The following IRGM variants were observed in gnomAD, a reference collection of about 807,000 sequenced individuals.
IRGM encodes the protein immunity-related GTPase family M protein.
For missense variants in IRGM, 288 were observed against 219.9 expected (o/e 1.31, Z -1.96); for synonymous variants, 98 against 80.6 (o/e 1.22, Z -1.16).
At chr5:150,871,672 T>C (rs938530823) in intron 1 of IRGM, among the ~76,000 whole-genome samples, 2 of 152,248 alleles carry the variant, frequency 1.3e-5, no homozygotes, top group Admixed American at 6.5e-5. Flanking sequence ...TTTAAACTGC[T>C]TGCTTTTGTA....
At chr5:150,902,084 A>G (rs990440987), downstream of IRGM, among the ~76,000 whole-genome samples, 1 of 152,214 alleles carries the variant, frequency 6.6e-6, no homozygotes, top group African/African-American at 2.4e-5. Flanking sequence ...AACACTGATT[A>G]TCCTGGGAGA....
At position 150,846,949 on chromosome 5, in the gene IRGM, A is replaced by C. The variant is rs1328486113; in HGVS notation, c.-687A>C. On this transcript the variant is annotated 5_prime_UTR_variant, in exon 1 of 2. Coordinates refer to ENST00000522154, the MANE Select transcript of IRGM (RefSeq NM_001145805.2). The stretch of plus-strand genomic sequence containing the variant: ...CCAATTCCGGTAGGAGTAGGAAATC[A>C]CATCACCTTCTTTTAATCAGTCTCA... The C allele has an allele frequency of 1.3e-5, 2 of 152,822 alleles. No homozygotes were observed. The highest frequency in any genetic ancestry group is 4.8e-5 in the African/African-American group (2 of 41,456). The allele number at this position is 152,822 out of a possible 1,614,324, so 9.5% of individuals were successfully genotyped here.
intron 3 of IRGM, chr5:150,897,392 A>G (rs1051286341): frequency 6.3e-6 from 1 of 158,412 alleles, no homozygotes; most frequent in African/African-American, 2.4e-5. Context: ...TCCTCCATCT[A>G]TTTTCCTAAC....
Position 150,848,348 on chromosome 5 carries a change from T to G in IRGM, c.225T>G (p.Cys75Trp). The G allele has an allele frequency of 6.4e-7, 1 of 1,551,882 alleles. No individual in the cohort carries two copies. Among genetic ancestry groups the G allele is most frequent in the Non-Finnish European group, 8.7e-7 (1 of 1,146,978 alleles). The change falls in exon 2 of 2, where the codon TGT becomes TGG. Residue 75 changes from cysteine (C) to tryptophan (W), a missense_variant. Coordinates refer to ENST00000522154, the MANE Select transcript of IRGM (RefSeq NM_001145805.2). ...AGCTGGTAAAAGCTACCCAAAGATG[T>G]GCCTCCTATTTCTCTTCCCACTTTT... ...PTELVKATQR[C>W]ASYFSSHFSN...
chr5:150,855,213 C>A (rs1025310028), intron 1 of IRGM, among the ~76,000 whole-genome samples: 1 of 152,138 alleles, frequency 6.6e-6, no homozygotes, highest in Non-Finnish European at 1.5e-5. Flanking sequence ...CCTAGTATAT[C>A]TTTGTTGATG....
intron 3 of IRGM, chr5:150,895,655 T>G (rs764377656): frequency 1.9e-6 from 3 of 1,613,240 alleles, no homozygotes; most frequent in Non-Finnish European, 2.5e-6. Context: ...GAGAGAAGGC[T>G]TTCCCACATT....
At chr5:150,871,939 T>C (rs983313926) in intron 1 of IRGM, among the ~76,000 whole-genome samples, 9 of 152,228 alleles carry the variant, frequency 5.9e-5, no homozygotes, top group Admixed American at 2.6e-4. Context: ...ATTGGTTTTC[T>C]CATACAATCC....
chr5:150,889,019 T>C lies in IRGM; in HGVS notation c.*140+9373T>C, dbSNP rs187891405. ...ATTCATGTTTCATATTTAAATGCTA[T>C]TGCAAGTAGTATTGTTTTCAAATTT... On this transcript the variant is annotated intron_variant and NMD_transcript_variant, in intron 3 of 3. Transcript: ENST00000520549. 2.6e-3 allele frequency among the ~76,000 whole-genome samples: 397 copies of C among 152,234 alleles called. 1 individual carries two copies. Among genetic ancestry groups the C allele is most frequent in the African/African-American group, 9.2e-3 (384 of 41,562 alleles).
chr5:150,848,920 C>G (rs1753931359), downstream of IRGM, among the ~76,000 whole-genome samples: 1 of 152,094 alleles, frequency 6.6e-6, no homozygotes, highest in South Asian at 2.1e-4. Context: ...TGATCAGTGT[C>G]TTAAAATGGA....
rs138869646 is a variant in IRGM at position 150,865,804 on chromosome 5, T to C, written c.159-12176T>C. On this transcript the variant is annotated intron_variant and NMD_transcript_variant, in intron 1 of 3. Transcript: ENST00000520549. ...CGGAGTCTTACTCTGTTGCCCAGGC[T>C]GGAGTGCAGTGGCACAATCTTGGCT... Among the ~76,000 whole-genome samples, 39 of 152,290 alleles carry C rather than the reference T, an allele frequency of 2.6e-4. No homozygotes were observed. The East Asian group carries it at 7.3e-3, about 29-fold the overall frequency.
In IRGM at chr5:150,870,201, T is replaced by C. The variant is rs145727569; in HGVS notation, c.159-7779T>C. Among the ~76,000 whole-genome samples, 1,171 of 152,238 alleles carry C rather than the reference T, an allele frequency of 7.7e-3. 21 individuals are homozygous for C. Among genetic ancestry groups the C allele is most frequent in the African/African-American group, 0.027 (1,111 of 41,558 alleles). ...CTAGGCTCAAACACATCTTTATTAA[T>C]CAAAATAGGAACCATTACAGACAAC... On this transcript the variant is annotated intron_variant and NMD_transcript_variant, in intron 1 of 3. Transcript: ENST00000520549.
intron 1 of IRGM, among the ~76,000 whole-genome samples, chr5:150,858,078 A>T (rs1754083923): frequency 6.6e-6 from 1 of 152,168 alleles, no homozygotes; most frequent in South Asian, 2.1e-4. Context: ...TTAAGTCTTT[A>T]GTCCATCTTG....
chr5:150,892,088 T>G (rs767640730), intron 3 of IRGM, among the ~76,000 whole-genome samples: 1 of 152,126 alleles, frequency 6.6e-6, no homozygotes, highest in African/African-American at 2.4e-5. Flanking sequence ...ATGATTATCA[T>G]AGGTCTGTAT....
chr5:150,893,715 A>G (rs1754657183), intron 3 of IRGM, among the ~76,000 whole-genome samples: 1 of 152,166 alleles, frequency 6.6e-6, no homozygotes, highest in Admixed American at 6.6e-5. Flanking sequence ...ACAGAGGGGA[A>G]GCTTAGTTCC....
intron 1 of IRGM, among the ~76,000 whole-genome samples, chr5:150,860,197 C>G (rs1754117214): frequency 6.6e-6 from 1 of 152,152 alleles, no homozygotes; most frequent in Non-Finnish European, 1.5e-5. Flanking sequence ...ATTTTTGTAC[C>G]TTATAAAGTT....
At chr5:150,877,696 G>C (rs192578448) in intron 1 of IRGM, among the ~76,000 whole-genome samples, 1 of 152,254 alleles carries the variant, frequency 6.6e-6, no homozygotes, top group Non-Finnish European at 1.5e-5. Context: ...TTTTAAGACA[G>C]TGACACCTGA....
At chr5:150,867,221 C>T (rs1342010272) in intron 1 of IRGM, among the ~76,000 whole-genome samples, 1 of 152,196 alleles carries the variant, frequency 6.6e-6, no homozygotes. Context: ...TTCACTGCCA[C>T]TTATAAGTGA....
rs770590149 is a variant in IRGM at position 150,896,926 on chromosome 5, C to T, written c.*141-3663C>T. On this transcript the variant is annotated intron_variant and NMD_transcript_variant, in intron 3 of 3. Transcript: ENST00000520549. The stretch of plus-strand genomic sequence containing the variant: ...TTCAGTATCTTATGATGGAAGGAAA[C>T]TGTCCCCAAAATACATGACTGGGAG... 17 of 1,613,114 alleles carry T rather than the reference C, an allele frequency of 1.1e-5. No homozygotes were observed. The Admixed American group carries it at 2.8e-4, about 27-fold the overall frequency.
intron 1 of IRGM, among the ~76,000 whole-genome samples, chr5:150,862,867 T>C (rs889711453): frequency 1.3e-5 from 2 of 151,976 alleles, no homozygotes; most frequent in African/African-American, 4.8e-5. Context: ...AAGAGGGATG[T>C]AAGGAATGAA....
Sources: allele counts gnomAD v4.1 joint callset (sites outside exome capture counted in the v4.1 genomes callset), GRCh38; gene constraint gnomAD v4.1.1; transcripts MANE v1.5; gene names NCBI Gene and HGNC (gene_info 2026-07-23, HGNC 2026-07-21).